The following PLD5 variants were observed in gnomAD, a reference collection of about 807,000 sequenced individuals.
The protein encoded by PLD5 is inactive phospholipase D5.
PLD5 carries 36 observed loss-of-function variants against 61.1 expected under a neutral mutation model. The ratio of observed to expected loss-of-function variants is 0.59; its 90% CI spans 0.45 to 0.78. The LOEUF (loss-of-function observed/expected upper bound fraction) is 0.78. PLD5 is among the 30% of genes least tolerant of loss of function. The pLI is 0.00. For synonymous variants in PLD5, 243 were observed against 242.8 expected (o/e 1.00, Z -0.01); for missense variants, 515 against 644.4 (o/e 0.80, Z 2.17).
At position 242,157,797 on chromosome 1, in the gene PLD5, G is replaced by A. The variant is rs139247216; in HGVS notation, c.736-33132C>T. ...CCAGTCAGGATACATGGCGGTCAGGGACCTACTTGAGGAGGCAGTCTGACC... is the reference window on the plus strand; with the variant it reads ...CCAGTCAGGATACATGGCGGTCAGGAACCTACTTGAGGAGGCAGTCTGACC... On this transcript the variant is annotated intron_variant, in intron 5 of 9. Transcript: ENST00000536534. 8.1e-4 allele frequency among the ~76,000 whole-genome samples: 123 copies of A among 152,316 alleles called. 1 individual carries two copies. Among genetic ancestry groups the A allele is most frequent in the African/African-American group, 2.8e-3 (117 of 41,564 alleles).
chr1:242,350,602 G>A (rs1344965593), intron 1 of PLD5, among the ~76,000 whole-genome samples: 1 of 152,130 alleles, frequency 6.6e-6, no homozygotes, highest in Non-Finnish European at 1.5e-5. Flanking sequence ...CCAGGTCATC[G>A]AGAGGTATCC....
At chr1:242,443,181 A>G (rs1236710774) in intron 1 of PLD5, among the ~76,000 whole-genome samples, 7 of 152,106 alleles carry the variant, frequency 4.6e-5, no homozygotes, top group Non-Finnish European at 8.8e-5. Context: ...CCTATCAGGT[A>G]TTTTATCTAT....
intron 1 of PLD5, among the ~76,000 whole-genome samples, chr1:242,510,862 A>C (rs867077610): frequency 6.6e-6 from 1 of 152,098 alleles, no homozygotes; most frequent in African/African-American, 2.4e-5. Flanking sequence ...AAAAAAGTTC[A>C]AATGAAGATG....
intron 2 of PLD5, among the ~76,000 whole-genome samples, chr1:242,290,603 C>T (rs1039019367): frequency 4.0e-5 from 6 of 151,840 alleles, no homozygotes; most frequent in African/African-American, 1.4e-4. Context: ...CATGGAGAAA[C>T]GGGAAATAGA....
intron 3 of PLD5, among the ~76,000 whole-genome samples, chr1:242,285,124 A>C (rs1226528950): frequency 6.6e-6 from 1 of 152,236 alleles, no homozygotes; most frequent in Non-Finnish European, 1.5e-5. Context: ...AGTAAGTTGA[A>C]AAATTCCATT....
intron 1 of PLD5, among the ~76,000 whole-genome samples, chr1:242,508,783 T>C (rs1207740389): frequency 6.6e-6 from 1 of 152,052 alleles, no homozygotes; most frequent in Non-Finnish European, 1.5e-5. Context: ...AAGACAACTA[T>C]CTAAAAGCCA....
intron 1 of PLD5, among the ~76,000 whole-genome samples, chr1:242,363,883 T>C (rs761938065): frequency 2.0e-5 from 3 of 152,068 alleles, no homozygotes; most frequent in South Asian, 2.1e-4. Context: ...AAAAGATTAA[T>C]GAACTCCAGG....
At chr1:242,453,274 A>C (rs1029279781) in intron 1 of PLD5, among the ~76,000 whole-genome samples, 1 of 152,154 alleles carries the variant, frequency 6.6e-6, no homozygotes, top group African/African-American at 2.4e-5. Context: ...CCAGGCATCA[A>C]ATCTGCCAGT....
intron 1 of PLD5, among the ~76,000 whole-genome samples, chr1:242,419,572 A>ATTTTTTTTTTTTTT (rs767869905): frequency 4.1e-5 from 4 of 97,086 alleles, no homozygotes; most frequent in African/African-American, 1.3e-4. Flanking sequence ...AATTTTTTGC[A>ATTTTTTTTTTTTTT]TTTTTTTTTT....
chr1:242,265,203 T>C (rs1673593726), intron 4 of PLD5, 134 bp downstream of exon 4: 4 of 1,172,108 alleles, frequency 3.4e-6, no homozygotes, highest in Non-Finnish European at 4.5e-6. Flanking sequence ...CGAGTTATTT[T>C]TCAAAGATGT....
chr1:242,460,150 T>C (rs1172316866), intron 1 of PLD5, among the ~76,000 whole-genome samples: 1 of 152,220 alleles, frequency 6.6e-6, no homozygotes, highest in African/African-American at 2.4e-5. Context: ...CTGTATACTG[T>C]ACTTCTACAT....
chr1:242,516,250 T>TTATATATATATATATATATA (rs57043354), intron 1 of PLD5, among the ~76,000 whole-genome samples: 37 of 138,600 alleles, frequency 2.7e-4, no homozygotes, highest in African/African-American at 9.2e-4. Flanking sequence ...TAAAGTTAAA[T>TTATATATATATATATATATA]TATATATATA....
Position 242,336,578 on chromosome 1 carries a change from C to T in PLD5, c.326+11528G>A, listed in dbSNP as rs188861729. On this transcript the variant is annotated intron_variant, in intron 2 of 9. Coordinates refer to ENST00000536534, the MANE Select transcript of PLD5 (RefSeq NM_001372062.1). ...ATCTGTGAGAAAAAAGGGACTGATA[C>T]ATAAACATGCACAATACAAATATCC... Among the ~76,000 whole-genome samples, 991 of 152,290 alleles carry T rather than the reference C, an allele frequency of 6.5e-3. 12 individuals are homozygous for T. The highest frequency in any genetic ancestry group is 0.01 in the Non-Finnish European group (710 of 68,032).
intron 1 of PLD5, among the ~76,000 whole-genome samples, chr1:242,450,393 A>G: frequency 6.6e-6 from 1 of 152,186 alleles, no homozygotes. Flanking sequence ...TAGAATATTT[A>G]CTAGCTGAGT....
intron 5 of PLD5, chr1:242,209,211 T>C (rs1466404664): frequency 1.3e-5 from 2 of 152,070 alleles, no homozygotes; most frequent in Non-Finnish European, 2.9e-5. Flanking sequence ...CTTCGTGGTG[T>C]TTTTAGGAGC....
chr1:242,405,764 G>C (rs1664203650), intron 1 of PLD5, among the ~76,000 whole-genome samples: 2 of 151,954 alleles, frequency 1.3e-5, no homozygotes. Flanking sequence ...ACCACACCTT[G>C]CTAATTTTTG....
intron 1 of PLD5, among the ~76,000 whole-genome samples, chr1:242,492,630 A>G (rs563378556): frequency 2.6e-5 from 4 of 152,252 alleles, no homozygotes; most frequent in Admixed American, 1.3e-4. Context: ...AGCAACCTAC[A>G]TGGTTTACTA....
At chr1:242,144,086 T>C (rs1574386406) in intron 5 of PLD5, among the ~76,000 whole-genome samples, 1 of 152,064 alleles carries the variant, frequency 6.6e-6, no homozygotes, top group African/African-American at 2.4e-5. Context: ...ACCAGGCTGG[T>C]CTTGATTCCT....
intron 1 of PLD5, among the ~76,000 whole-genome samples, chr1:242,488,625 T>C (rs1332425957): frequency 6.6e-6 from 1 of 152,176 alleles, no homozygotes; most frequent in Non-Finnish European, 1.5e-5. Flanking sequence ...GTGATGGCAG[T>C]GAAACTATTG....
Sources: gnomAD v4.1 joint callset for allele counts (sites outside exome capture counted in the v4.1 genomes callset) on GRCh38, gnomAD v4.1.1 for gene constraint, MANE v1.5 for transcripts, NCBI Gene and HGNC (gene_info 2026-07-23, HGNC 2026-07-21) for gene names.